The following CSMD1 variants were observed in gnomAD, a reference collection of about 807,000 sequenced individuals.
The protein encoded by CSMD1 is CUB and Sushi multiple domains 1.
A neutral mutation model predicts 417.5 loss-of-function variants in CSMD1; 213 were observed. That is an observed-to-expected ratio of 0.51 (90% CI 0.46 to 0.57). The LOEUF (loss-of-function observed/expected upper bound fraction) is 0.57. CSMD1 is among the 20% of genes least tolerant of loss of function. CSMD1 has a pLI of 0.00. For synonymous variants in CSMD1, 2,862 were observed against 1,736.8 expected, an observed-to-expected ratio of 1.65 and a Z score of -16.11; for missense variants, 6,923 against 4,529.7, an observed-to-expected ratio of 1.53 and a Z score of -15.17.
chr8:4,075,458 G>A (rs796784668), intron 3 of CSMD1, among the ~76,000 whole-genome samples: 16 of 152,020 alleles, frequency 1.1e-4, no homozygotes, highest in African/African-American at 3.9e-4. Flanking sequence ...AATGTTTTCT[G>A]TCCAAATCTC....
intron 12 of CSMD1, among the ~76,000 whole-genome samples, chr8:3,419,428 TTC>T (rs1320058354): frequency 1.8e-4 from 27 of 152,202 alleles, no homozygotes; most frequent in South Asian, 6.2e-4. Flanking sequence ...ATTCTAGAAT[TTC>T]TGTTTTTCAA....
chr8:3,702,330 CA>C, intron 7 of CSMD1: 1 of 152,150 alleles, frequency 6.6e-6, no homozygotes, highest in Non-Finnish European at 1.5e-5. Flanking sequence ...TTTAACTTTA[CA>C]TGTGGGGAAA....
At chr8:3,584,470 G>A (rs149222913) in intron 9 of CSMD1, among the ~76,000 whole-genome samples, 1 of 152,274 alleles carries the variant, frequency 6.6e-6, no homozygotes, top group Non-Finnish European at 1.5e-5. Flanking sequence ...GGGTTGAGAA[G>A]GATGGGAGAA....
chr8:4,558,487 A>G (rs1798188444), intron 2 of CSMD1, among the ~76,000 whole-genome samples: 1 of 152,230 alleles, frequency 6.6e-6, no homozygotes. Context: ...ACAGGTAAGT[A>G]CAATTATTCT....
chr8:3,582,443 G>A (rs555584087), intron 9 of CSMD1, among the ~76,000 whole-genome samples: 1 of 152,146 alleles, frequency 6.6e-6, no homozygotes. Flanking sequence ...AAGAAAGAGT[G>A]TTCTACAGAG....
intron 36 of CSMD1, among the ~76,000 whole-genome samples, chr8:3,182,790 C>A (rs1821452046): frequency 9.7e-6 from 1 of 103,448 alleles, no homozygotes; most frequent in African/African-American, 4.2e-5. Flanking sequence ...AGTGGTTTCA[C>A]CGTGTTAGCC....
At chr8:4,288,141 T>C (rs376117676) in intron 3 of CSMD1, among the ~76,000 whole-genome samples, 52 of 152,286 alleles carry the variant, frequency 3.4e-4, no homozygotes, top group African/African-American at 1.2e-3. Flanking sequence ...GCATTAAAGT[T>C]TGACTGAGAA....
intron 1 of CSMD1, among the ~76,000 whole-genome samples, chr8:4,966,788 A>T (rs1272793170): frequency 1.3e-5 from 2 of 152,224 alleles, no homozygotes; most frequent in Admixed American, 6.5e-5. Context: ...GATATACTCG[A>T]ACTGTAAAAA....
At chr8:4,037,648 G>A (rs1361927095) in intron 3 of CSMD1, among the ~76,000 whole-genome samples, 3 of 152,198 alleles carry the variant, frequency 2.0e-5, no homozygotes, top group African/African-American at 2.4e-5. Flanking sequence ...CTTATCTACT[G>A]AAAATGTTTT....
intron 7 of CSMD1, among the ~76,000 whole-genome samples, chr8:3,674,354 C>T (rs1262746932): frequency 6.6e-6 from 1 of 152,090 alleles, no homozygotes; most frequent in East Asian, 1.9e-4. Context: ...TGAAGATTAA[C>T]AAATTATCAT....
At chr8:4,803,115 T>C (rs536632740) in intron 1 of CSMD1, among the ~76,000 whole-genome samples, 23 of 152,296 alleles carry the variant, frequency 1.5e-4, no homozygotes, top group Non-Finnish European at 2.5e-4. Flanking sequence ...TAAAAGATCA[T>C]GTATATGATT....
intron 2 of CSMD1, among the ~76,000 whole-genome samples, chr8:4,533,955 T>C (rs1796965559): frequency 6.7e-6 from 1 of 149,254 alleles, no homozygotes; most frequent in African/African-American, 2.4e-5. Context: ...TATTTATATA[T>C]ATAAATATAA....
At chr8:4,849,495 T>C (rs1252459057) in intron 1 of CSMD1, among the ~76,000 whole-genome samples, 1 of 152,214 alleles carries the variant, frequency 6.6e-6, no homozygotes, top group Non-Finnish European at 1.5e-5. Context: ...CGTTCAATTA[T>C]AACTCACTCA....
intron 3 of CSMD1, among the ~76,000 whole-genome samples, chr8:4,398,521 G>C (rs368102733): frequency 1.3e-5 from 2 of 150,872 alleles, no homozygotes; most frequent in Non-Finnish European, 2.9e-5. Context: ...AGCCTCCCGA[G>C]TAGGTGGGAC....
chr8:3,284,499 G>A (rs2117238529), intron 25 of CSMD1, 153 bp from the exon 26 acceptor site: 2 of 633,186 alleles, frequency 3.2e-6, no homozygotes, highest in Admixed American at 5.1e-5. Flanking sequence ...TGAGGAAAAT[G>A]AGGCTCACCG....
chr8:4,684,486 C>A (rs776641368), intron 1 of CSMD1, among the ~76,000 whole-genome samples: 1 of 152,052 alleles, frequency 6.6e-6, no homozygotes, highest in African/African-American at 2.4e-5. Context: ...TGGATCACCC[C>A]GGCTGGAGAG....
intron 7 of CSMD1, among the ~76,000 whole-genome samples, chr8:3,664,812 G>C (rs17325803): frequency 0.015 from 2,305 of 152,254 alleles, 25 homozygotes; most frequent in Non-Finnish European, 0.023. Flanking sequence ...TATCAAGAGA[G>C]TCAACATTAA....
chr8:3,040,921 A>G (rs11986119), intron 50 of CSMD1, among the ~76,000 whole-genome samples: 2,161 of 152,324 alleles, frequency 0.014, 53 homozygotes, highest in African/African-American at 0.049. Context: ...AATTGTTTGC[A>G]GCATCATGAA....
Position 3,332,974 on chromosome 8 carries a change from G to C in CSMD1, c.3631+10320C>G, listed in dbSNP as rs1807004698. On this transcript the variant is annotated intron_variant, in intron 23 of 69. Coordinates refer to ENST00000635120, the MANE Select transcript of CSMD1 (RefSeq NM_033225.6). ...GATACGGAGCCTGACTCAATCCAGGGAAAGCCCTTGAAAGAGGGTCTGGCC... is the reference window on the plus strand; with the variant it reads ...GATACGGAGCCTGACTCAATCCAGGCAAAGCCCTTGAAAGAGGGTCTGGCC... Among the ~76,000 whole-genome samples, 3 of 152,316 alleles carry C rather than the reference G, an allele frequency of 2.0e-5. No individual in the cohort carries two copies. In the South Asian group the frequency reaches 6.2e-4, roughly 32 times the overall value.
Sources: gnomAD v4.1 joint callset for allele counts (sites outside exome capture counted in the v4.1 genomes callset) on GRCh38, gnomAD v4.1.1 for gene constraint, MANE v1.5 for transcripts, NCBI Gene and HGNC (gene_info 2026-07-23, HGNC 2026-07-21) for gene names.